Variants in RUNX2 observed in about 807,000 individuals in gnomAD.
RUNX2 encodes runt-related transcription factor 2.
Under a neutral mutation model 51.7 loss-of-function variants are expected in RUNX2, and 10 were observed. The observed-to-expected ratio is 0.19, with a 90% CI of 0.12 to 0.33. The LOEUF is 0.33. RUNX2 is among the 10% of genes least tolerant of loss of function. The pLI is 1.00. For synonymous variants in RUNX2, 276 were observed against 273.6 expected, an observed-to-expected ratio of 1.01 and a Z score of -0.09; for missense variants, 562 against 691.3, an observed-to-expected ratio of 0.81 and a Z score of 2.10.
intron 2 of RUNX2, among the ~76,000 whole-genome samples, chr6:45,414,658 G>A (rs982311809): frequency 1.3e-5 from 2 of 151,126 alleles, no homozygotes; most frequent in South Asian, 2.1e-4. Context: ...CAATAAGGCA[G>A]CAATCGTCTA....
chr6:45,526,111 G>C (rs992478037), intron 7 of RUNX2, among the ~76,000 whole-genome samples: 4 of 152,156 alleles, frequency 2.6e-5, no homozygotes, highest in Admixed American at 6.5e-5. Flanking sequence ...GTTTTGTTTT[G>C]TATTTCAGTT....
intron 2 of RUNX2, among the ~76,000 whole-genome samples, chr6:45,406,986 T>C (rs1797847421): frequency 6.6e-6 from 1 of 152,200 alleles, no homozygotes; most frequent in Non-Finnish European, 1.5e-5. Context: ...CAATGAATAC[T>C]TGTGTAGCTA....
intron 7 of RUNX2, among the ~76,000 whole-genome samples, chr6:45,525,571 C>A (rs1248773771): frequency 6.6e-6 from 1 of 152,132 alleles, no homozygotes; most frequent in East Asian, 1.9e-4. Flanking sequence ...TTTCTTTAAG[C>A]GTGAACTGAG....
intron 7 of RUNX2, among the ~76,000 whole-genome samples, chr6:45,512,896 T>G (rs1225009389): frequency 6.6e-6 from 1 of 152,060 alleles, no homozygotes; most frequent in Non-Finnish European, 1.5e-5. Flanking sequence ...AACTAGTCAT[T>G]TGAAGTGCTG....
chr6:45,512,474 G>A, intron 7 of RUNX2, 67 bp downstream of exon 7: 1 of 1,554,996 alleles, frequency 6.4e-7, no homozygotes, highest in Admixed American at 1.7e-5. Flanking sequence ...GATGGGCTGA[G>A]CCTGTCTCAT....
At chr6:45,497,200 G>A (rs746385161) in intron 6 of RUNX2, among the ~76,000 whole-genome samples, 1 of 152,182 alleles carries the variant, frequency 6.6e-6, no homozygotes, top group Non-Finnish European at 1.5e-5. Context: ...TCCCTTTCAT[G>A]ATTTCCTTTC....
At position 45,512,142 on chromosome 6, in the gene RUNX2, T is replaced by C. The variant is rs1801171986; in HGVS notation, c.860-104T>C. On this transcript the variant is annotated intron_variant, in intron 6 of 8. Transcript: ENST00000647337. ...TTATATATATATAAGCCATTTTTTT[T>C]TCTCTCCCTGTTTTTCTGCTTTTTC... is the stretch of plus-strand genomic sequence containing the variant. 6.6e-6 allele frequency: 7 copies of C among 1,067,380 alleles called. No individual in the cohort carries two copies. The South Asian group carries it at 6.6e-5, about 10-fold the overall frequency. 66.1% of individuals were successfully genotyped at this position (1,067,380 alleles called of 1,614,324 possible).
At chr6:45,466,313 TAA>T (rs57244753) in intron 5 of RUNX2, among the ~76,000 whole-genome samples, 1 of 144,772 alleles carries the variant, frequency 6.9e-6, no homozygotes. Flanking sequence ...AACTCCGTCT[TAA>T]AAAAAAAAAG....
chr6:45,540,724 C>G (rs932739192), intron 7 of RUNX2, among the ~76,000 whole-genome samples: 9 of 152,196 alleles, frequency 5.9e-5, no homozygotes, highest in African/African-American at 2.2e-4. Context: ...AGTGTGCTTA[C>G]CTAACAGCAG....
intron 6 of RUNX2, among the ~76,000 whole-genome samples, chr6:45,492,572 A>G (rs1323088206): frequency 6.6e-6 from 1 of 152,218 alleles, no homozygotes; most frequent in East Asian, 1.9e-4. Flanking sequence ...ATTGGTAGTT[A>G]TAAGGCAAGG....
At chr6:45,498,922 T>C (rs1426867920) in intron 6 of RUNX2, among the ~76,000 whole-genome samples, 1 of 152,210 alleles carries the variant, frequency 6.6e-6, no homozygotes, top group African/African-American at 2.4e-5. Context: ...GATTCTTTAA[T>C]GTGAAACAAG....
intron 5 of RUNX2, among the ~76,000 whole-genome samples, chr6:45,483,844 C>T (rs777926698): frequency 2.9e-4 from 44 of 152,188 alleles, no homozygotes; most frequent in Admixed American, 5.9e-4. Flanking sequence ...TGTATTTGGA[C>T]TGTCGATAGA....
intron 5 of RUNX2, among the ~76,000 whole-genome samples, chr6:45,440,994 A>G (rs1798826726): frequency 6.6e-6 from 1 of 152,202 alleles, no homozygotes; most frequent in African/African-American, 2.4e-5. Flanking sequence ...ACCCTTGCTT[A>G]TTCAAAGTGG....
In RUNX2 at chr6:45,532,382, G is replaced by A. The variant is rs145965401; in HGVS notation, c.1022-12835G>A. On this transcript the variant is annotated intron_variant, in intron 7 of 8. Coordinates refer to ENST00000647337, the MANE Select transcript of RUNX2 (RefSeq NM_001024630.4). ...AACCCACAGAGATGATTTCATCCCC[G>A]CCCCTCTTTTTACTGACAAGGAATG... 1.5e-3 allele frequency among the ~76,000 whole-genome samples: 231 copies of A among 151,852 alleles called. 6 individuals carry two copies. The East Asian group carries it at 0.041, about 27-fold the overall frequency.
At chr6:45,439,595 C>T (rs973893575) in intron 5 of RUNX2, among the ~76,000 whole-genome samples, 3 of 152,178 alleles carry the variant, frequency 2.0e-5, no homozygotes, top group African/African-American at 7.2e-5. Context: ...ATACTTATCT[C>T]TTAAAGATAT....
intron 2 of RUNX2, among the ~76,000 whole-genome samples, chr6:45,416,545 A>G (rs1050256653): frequency 2.0e-5 from 3 of 152,170 alleles, no homozygotes; most frequent in Non-Finnish European, 2.9e-5. Context: ...TTCATCACAG[A>G]CCTCTGTAAA....
At chr6:45,380,925 G>A (rs994469434) in intron 2 of RUNX2, among the ~76,000 whole-genome samples, 8 of 152,222 alleles carry the variant, frequency 5.3e-5, no homozygotes, top group African/African-American at 1.7e-4. Context: ...CAGGTGACTT[G>A]GAAATTCTTT....
chr6:45,378,381 A>C (rs952018089), intron 2 of RUNX2, among the ~76,000 whole-genome samples: 5 of 152,184 alleles, frequency 3.3e-5, no homozygotes, highest in African/African-American at 1.2e-4. Context: ...ATTGGAGTGA[A>C]CGGGATCTTA....
At position 45,422,708 on chromosome 6, in the gene RUNX2, A is replaced by AACAG; in HGVS notation, c.174_175insACAG (p.Gln59ThrfsTer103). The AACAG allele has an allele frequency of 6.4e-7, 1 of 1,565,958 alleles. No individual in the cohort carries two copies. The highest frequency in any genetic ancestry group is 2.4e-5 in the East Asian group (1 of 41,840). On this transcript the variant is annotated frameshift_variant, in exon 3 of 9. Coordinates refer to ENST00000647337, the MANE Select transcript of RUNX2 (RefSeq NM_001024630.4). LOFTEE classifies it high-confidence loss of function. ...AGCAGCAGCAACAGCAGCAGCAGCA[A>AACAG]CAGCAGCAGCAGCAGCAGCAACAGC...
Sources: gnomAD v4.1 joint callset for allele counts (sites outside exome capture counted in the v4.1 genomes callset) on GRCh38, gnomAD v4.1.1 for gene constraint, MANE v1.5 for transcripts, NCBI Gene and HGNC (gene_info 2026-07-23, HGNC 2026-07-21) for gene names.